TMEM131: variants seen among roughly 807,000 people sequenced by gnomAD.
TMEM131 encodes the protein transmembrane protein 131, also known as 2610524E03Rik.
A neutral mutation model predicts 211.6 loss-of-function variants in TMEM131; 66 were observed. The observed-to-expected ratio is 0.31, with a 90% CI of 0.26 to 0.38. TMEM131 has a LOEUF of 0.38. Ranked by LOEUF, TMEM131 falls within the 10% of genes least tolerant of loss-of-function variation. The pLI is 1.00. For synonymous variants in TMEM131, 844 were observed against 841.3 expected (o/e 1.00, Z -0.06); for missense variants, 2,036 against 2,299.3 (o/e 0.89, Z 2.34).
rs118153831 is a variant in TMEM131 at position 97,988,871 on chromosome 2, T to C, written c.187+6605A>G. On this transcript the variant is annotated intron_variant, in intron 1 of 40. Coordinates refer to ENST00000186436, the MANE Select transcript of TMEM131 (RefSeq NM_015348.2). ...TGGTGGTTGCTTAAGGAATTAAATA[T>C]AGAACTATCACATGATCCAGAAATC... Among the ~76,000 whole-genome samples the C allele has an allele frequency of 8.9e-4, 136 of 152,330 alleles. No individual in the cohort carries two copies. In the East Asian group the frequency reaches 0.023, roughly 26 times the overall value.
intron 7 of TMEM131, among the ~76,000 whole-genome samples, chr2:97,838,420 CTTAAACTTTTTTTTTTTT>C (rs1683032425): frequency 8.2e-5 from 11 of 134,374 alleles, no homozygotes; most frequent in African/African-American, 2.9e-4. Flanking sequence ...AATTCTTAAG[CTTAAACTTTTTTTTTTTT>C]TTTTTTTTTT....
chr2:97,763,966 A>T (rs1206924759), intron 35 of TMEM131: 1 of 152,246 alleles, frequency 6.6e-6, no homozygotes, highest in Non-Finnish European at 1.5e-5. Flanking sequence ...TTTGATTCAA[A>T]TATTATTAAA....
At chr2:97,860,106 T>C (rs1275116476) in intron 4 of TMEM131, among the ~76,000 whole-genome samples, 1 of 152,236 alleles carries the variant, frequency 6.6e-6, no homozygotes, top group Admixed American at 6.5e-5. Flanking sequence ...CTTTATTCTA[T>C]AGTCCACTTA....
intron 33 of TMEM131, among the ~76,000 whole-genome samples, chr2:97,770,677 GT>G (rs1679426303): frequency 6.6e-6 from 1 of 152,186 alleles, no homozygotes; most frequent in African/African-American, 2.4e-5. Flanking sequence ...AGGGATGGGG[GT>G]TAGGATTAGT....
At chr2:97,925,886 G>A (rs186727972) in intron 2 of TMEM131, among the ~76,000 whole-genome samples, 4,422 of 151,972 alleles carry the variant, frequency 0.029, 79 homozygotes, top group Middle Eastern at 0.065. Context: ...CGAGGCGGGC[G>A]GATCATGAGG....
intron 2 of TMEM131, among the ~76,000 whole-genome samples, chr2:97,908,920 CAA>C (rs1173963278): frequency 6.6e-6 from 1 of 152,040 alleles, no homozygotes; most frequent in African/African-American, 2.4e-5. Flanking sequence ...AAAAGTGTGC[CAA>C]ACCGACACAT....
At chr2:97,863,112 A>C (rs1015271819) in intron 4 of TMEM131, among the ~76,000 whole-genome samples, 18 of 152,158 alleles carry the variant, frequency 1.2e-4, no homozygotes, top group Admixed American at 5.2e-4. Flanking sequence ...ACAACAACAA[A>C]AAAAACCCCC....
intron 4 of TMEM131, among the ~76,000 whole-genome samples, chr2:97,875,339 A>T (rs1162245461): frequency 6.6e-6 from 1 of 152,210 alleles, no homozygotes; most frequent in African/African-American, 2.4e-5. Context: ...GATATTCAGG[A>T]CCTGAACTCA....
intron 1 of TMEM131, among the ~76,000 whole-genome samples, chr2:97,946,641 A>G (rs2104515442): frequency 6.6e-6 from 1 of 152,104 alleles, no homozygotes; most frequent in African/African-American, 2.4e-5. Flanking sequence ...GTATTTAACG[A>G]TGAGTTCTCC....
At chr2:97,827,158 A>T in intron 11 of TMEM131, 1 of 578,068 alleles carries the variant, frequency 1.7e-6, no homozygotes. Context: ...GTTGGGGAGG[A>T]GTGGCAGCGG....
intron 25 of TMEM131, among the ~76,000 whole-genome samples, chr2:97,799,475 A>G (rs1328670765): frequency 1.3e-5 from 2 of 152,228 alleles, no homozygotes; most frequent in East Asian, 1.9e-4. Flanking sequence ...CAGACAGTCC[A>G]TGGTTATTCA....
intron 1 of TMEM131, among the ~76,000 whole-genome samples, chr2:97,951,167 T>C (rs370577177): frequency 6.6e-6 from 1 of 151,966 alleles, no homozygotes; most frequent in African/African-American, 2.4e-5. Flanking sequence ...TAAGTGAAAA[T>C]AAGGATTTAA....
In TMEM131 at chr2:97,818,465, G is replaced by C. The variant is rs1308201908; in HGVS notation, c.1183+148C>G. The stretch of plus-strand genomic sequence containing the variant: ...TAAGAGTTCATGATGGTTTACAGCG[G>C]GGGGGGGCGGGGGGGGATCAACCTA... On this transcript the variant is annotated intron_variant, in intron 12 of 40. Coordinates refer to ENST00000186436, the MANE Select transcript of TMEM131 (RefSeq NM_015348.2). 57 of 327,092 alleles carry C rather than the reference G, an allele frequency of 1.7e-4. 3 individuals are homozygous for C. In the South Asian group the frequency reaches 1.9e-3, roughly 11 times the overall value. 20.3% of individuals were successfully genotyped at this position (327,092 alleles called of 1,614,324 possible).
chr2:97,797,375 T>C lies in TMEM131; in HGVS notation c.2860A>G (p.Ile954Val), dbSNP rs764561256. The change falls in exon 26 of 41, where the codon ATC becomes GTC. Residue 954 changes from isoleucine (I) to valine (V), a missense_variant. Transcript: ENST00000186436. ...PVHNRTVSSL[I>V]IVRNNLTVMD... ...TATCACAGAACCTACCTGACTATGA[T>C]AAGTGAAGAAACAGTTCTGTTGTGA... 7 of 1,605,774 alleles carry C rather than the reference T, an allele frequency of 4.4e-6. 1 individual carries two copies. The South Asian group carries it at 4.5e-5, about 10-fold the overall frequency.
In TMEM131 at chr2:97,888,086, G is replaced by T; in HGVS notation, c.325C>A (p.Arg109=). Residue 109 remains arginine, a synonymous_variant, in exon 4 of 41, where the codon CGA becomes AGA. Coordinates refer to ENST00000186436, the MANE Select transcript of TMEM131 (RefSeq NM_015348.2). ...AAATCCAGCATTGGTGGCTCAAATC[G>T]TATGGGCCTGCAATTCCCCCGGTAG... ...SLYRGNCRPI[R]FEPPMLDFHE... is the part of the protein sequence containing the mutation. The T allele has an allele frequency of 6.2e-7, 1 of 1,613,566 alleles. No individual in the cohort carries two copies. The highest frequency in any genetic ancestry group is 8.5e-7 in the Non-Finnish European group (1 of 1,179,624).
intron 25 of TMEM131, among the ~76,000 whole-genome samples, chr2:97,799,651 C>T (rs1680930068): frequency 1.3e-5 from 2 of 152,164 alleles, no homozygotes; most frequent in Admixed American, 6.5e-5. Flanking sequence ...CCTGATGAGC[C>T]TGGTGGTTAG....
intron 25 of TMEM131, among the ~76,000 whole-genome samples, chr2:97,797,764 G>A (rs1029008500): frequency 6.6e-5 from 10 of 152,214 alleles, no homozygotes; most frequent in Non-Finnish European, 1.2e-4. Flanking sequence ...AGTCCTCAAT[G>A]TTTGCACAAG....
At chr2:97,952,837 C>A (rs377500558) in intron 1 of TMEM131, among the ~76,000 whole-genome samples, 1 of 152,142 alleles carries the variant, frequency 6.6e-6, no homozygotes, top group Non-Finnish European at 1.5e-5. Context: ...ATGATTGTGC[C>A]ACTCACTGTA....
chr2:97,814,455 G>A, intron 13 of TMEM131, 67 bp from the exon 14 acceptor site: 1 of 1,394,456 alleles, frequency 7.2e-7, no homozygotes. Flanking sequence ...TAAAATCCAA[G>A]TTCTTCTGTT....
Sources: gnomAD v4.1 joint callset for allele counts (sites outside exome capture counted in the v4.1 genomes callset) on GRCh38, gnomAD v4.1.1 for gene constraint, MANE v1.5 for transcripts, NCBI Gene and HGNC (gene_info 2026-07-23, HGNC 2026-07-21) for gene names.